Variants in CEP41 observed in about 807,000 individuals in gnomAD.
CEP41 encodes centrosomal protein 41.
CEP41 carries 32 observed loss-of-function variants against 44.3 expected under a neutral mutation model. The observed-to-expected ratio is 0.72, with a 90% CI of 0.54 to 0.97. The LOEUF is 0.97. Ranked by LOEUF, CEP41 falls within the 50% of genes least tolerant of loss-of-function variation. CEP41 has a pLI of 0.00. For synonymous variants in CEP41, 151 were observed against 168.5 expected, an observed-to-expected ratio of 0.90 and a Z score of 0.80; for missense variants, 432 against 455.2, an observed-to-expected ratio of 0.95 and a Z score of 0.46.
At chr7:130,424,595 C>T (rs570991535) in intron 2 of CEP41, among the ~76,000 whole-genome samples, 4 of 152,040 alleles carry the variant, frequency 2.6e-5, no homozygotes, top group Middle Eastern at 6.8e-3. Flanking sequence ...AGGGTGAACA[C>T]GTAATTAAAT....
chr7:130,405,327 A>T (rs1554418002), intron 5 of CEP41, among the ~76,000 whole-genome samples: 1 of 152,228 alleles, frequency 6.6e-6, no homozygotes, highest in Non-Finnish European at 1.5e-5. Context: ...TTTGCTTGGA[A>T]GAAAAACTGA....
chr7:130,424,657 T>C (rs1797607072), intron 2 of CEP41, among the ~76,000 whole-genome samples: 1 of 152,082 alleles, frequency 6.6e-6, no homozygotes. Flanking sequence ...TGAATATCCG[T>C]AAGCAAAAAC....
intron 2 of CEP41, chr7:130,417,463 G>T: frequency 4.1e-6 from 2 of 483,380 alleles, no homozygotes; most frequent in South Asian, 6.2e-5. Context: ...CTCTTCTACC[G>T]TTCATGCTCA....
upstream of CEP41, among the ~76,000 whole-genome samples, chr7:130,441,607 C>T (rs1554428077): frequency 6.6e-6 from 1 of 152,222 alleles, no homozygotes; most frequent in East Asian, 1.9e-4. Context: ...TTGCAAAGCA[C>T]ACGCGCTATT....
At chr7:130,421,691 A>T (rs546351189) in intron 2 of CEP41, 11 of 1,135,976 alleles carry the variant, frequency 9.7e-6, no homozygotes, top group African/African-American at 8.0e-5. Flanking sequence ...GCTAGAAAAG[A>T]CTGAGTGGAG....
intron 10 of CEP41, chr7:130,399,689 G>T: frequency 3.9e-6 from 1 of 258,924 alleles, no homozygotes; most frequent in Non-Finnish European, 7.5e-6. Flanking sequence ...GTGTGGTGGC[G>T]GGCACCTGTA....
rs145958034 is a variant in CEP41, at chr7:130,401,708, C to T, written c.642+173G>A. Among the ~76,000 whole-genome samples the T allele has an allele frequency of 1.8e-3, 276 of 152,230 alleles. 1 individual carries two copies. Among genetic ancestry groups the T allele is most frequent in the African/African-American group, 6.1e-3 (252 of 41,542 alleles). ...CAGGGCAAGACGGTTTGAAAGCATC[C>T]GCCTAAAGAGTCAGGATTCTTGGCA... On this transcript the variant is annotated intron_variant, in intron 8 of 10. Coordinates refer to ENST00000223208, the MANE Select transcript of CEP41 (RefSeq NM_018718.3).
intron 2 of CEP41, among the ~76,000 whole-genome samples, chr7:130,425,648 G>C (rs527255511): frequency 5.9e-4 from 90 of 152,278 alleles, no homozygotes; most frequent in African/African-American, 1.9e-3. Context: ...TTGTACTCCT[G>C]AGCACTTATC....
In CEP41 at chr7:130,404,820, T is replaced by C. The variant is rs1554417892; in HGVS notation, c.278-112A>G. 3 of 945,368 alleles carry C rather than the reference T, an allele frequency of 3.2e-6. No homozygotes were observed. In the East Asian group the frequency reaches 7.5e-5, roughly 24 times the overall value. 58.6% of individuals were successfully genotyped at this position (945,368 alleles called of 1,614,324 possible). ...GGAAATCTTATCATCATTATTAAAT[T>C]GTCGTGGAAGTGCTAACGTACAAGT... is the stretch of plus-strand genomic sequence containing the variant. On this transcript the variant is annotated intron_variant, in intron 5 of 10. Coordinates refer to ENST00000223208, the MANE Select transcript of CEP41 (RefSeq NM_018718.3).
chr7:130,419,225 T>G, intron 2 of CEP41: 1 of 985,402 alleles, frequency 1.0e-6, no homozygotes, highest in Non-Finnish European at 1.2e-6. Context: ...AGAGGACTAC[T>G]GATGAGTTCT....
intron 6 of CEP41, among the ~76,000 whole-genome samples, chr7:130,404,293 A>G (rs574538277): frequency 6.6e-6 from 1 of 152,254 alleles, no homozygotes; most frequent in African/African-American, 2.4e-5. Flanking sequence ...CTCATAACAA[A>G]CTTATATGTA....
At position 130,421,916 on chromosome 7, in the gene CEP41, A is replaced by C. The variant is rs782317947; in HGVS notation, c.98-4950T>G. ...TACAAGAACCCTGCGGTGGTGACTG[A>C]ACAAAACGCAGCCAGGGATTTCATC... On this transcript the variant is annotated intron_variant, in intron 2 of 10. Coordinates refer to ENST00000223208, the MANE Select transcript of CEP41 (RefSeq NM_018718.3). The C allele has an allele frequency of 2.6e-6, 4 of 1,534,544 alleles. No individual in the cohort carries two copies. In the South Asian group the frequency reaches 4.8e-5, roughly 18 times the overall value.
intron 2 of CEP41, chr7:130,422,089 T>G: frequency 6.7e-7 from 1 of 1,500,592 alleles, no homozygotes; most frequent in Non-Finnish European, 8.9e-7. Context: ...TGAGTTCATA[T>G]GAGAAGCAGA....
chr7:130,440,152 T>TG (rs1374427004), intron 1 of CEP41, among the ~76,000 whole-genome samples: 4 of 152,096 alleles, frequency 2.6e-5, no homozygotes, highest in African/African-American at 9.7e-5. Context: ...ACCGAGTAGC[T>TG]GGGATTACAG....
upstream of CEP41, chr7:130,441,283 G>A: frequency 3.1e-6 from 1 of 320,142 alleles, no homozygotes; most frequent in East Asian, 7.9e-5. Flanking sequence ...TGGCGCCTGC[G>A]CAAAGCCGGG....
At position 130,402,810 on chromosome 7, in the gene CEP41, A is replaced by C; in HGVS notation, c.423-11T>G. 1 of 1,614,094 alleles carries C rather than the reference A, an allele frequency of 6.2e-7. No homozygotes were observed. The highest frequency in any genetic ancestry group is 1.7e-4 in the Middle Eastern group (1 of 6,060). On this transcript the variant is annotated splice_polypyrimidine_tract_variant and intron_variant, in intron 6 of 10. Transcript: ENST00000223208. The stretch of plus-strand genomic sequence containing the variant: ...ACACCACTGATGACACTGCAAGTGA[A>C]AAAGTAGGTCAGCAGAAACTAGTCA...
rs1562972450 is a variant in CEP41 at position 130,396,134 on chromosome 7, C to T, written c.*2757G>A. The T allele has an allele frequency of 2.2e-6, 1 of 453,986 alleles. No individual in the cohort carries two copies. The highest frequency in any genetic ancestry group is 4.4e-6 in the Non-Finnish European group (1 of 226,786). The allele number at this position is 453,986 out of a possible 1,614,324, so 28.1% of individuals were successfully genotyped here. A position where few individuals can be genotyped will look rare whatever the true frequency, so the allele number is the denominator to read the frequency against. On this transcript the variant is annotated 3_prime_UTR_variant, in exon 11 of 11. Coordinates refer to ENST00000223208, the MANE Select transcript of CEP41 (RefSeq NM_018718.3). ...TTCTCCCTTCCTTAAACACAAACCC[C>T]TTTAAAGCATTTAAGGTATTATTTA...
intron 3 of CEP41, among the ~76,000 whole-genome samples, chr7:130,413,271 G>C (rs1176178738): frequency 2.0e-5 from 3 of 152,088 alleles, no homozygotes; most frequent in Non-Finnish European, 4.4e-5. Context: ...GATTACAGGC[G>C]TGAGCCAAAG....
chr7:130,406,092 G>A (rs1554418165), intron 5 of CEP41, among the ~76,000 whole-genome samples: 1 of 145,486 alleles, frequency 6.9e-6, no homozygotes, highest in Non-Finnish European at 1.5e-5. Flanking sequence ...GGTTTAGTAT[G>A]GTTATTTTTA....
Sources: gnomAD v4.1 joint callset for allele counts (sites outside exome capture counted in the v4.1 genomes callset) on GRCh38, gnomAD v4.1.1 for gene constraint, MANE v1.5 for transcripts, NCBI Gene and HGNC (gene_info 2026-07-23, HGNC 2026-07-21) for gene names.